Variants in LTBP1 observed in about 807,000 individuals in gnomAD.
LTBP1 encodes the protein latent transforming growth factor beta binding protein 1.
LTBP1 carries 129 observed loss-of-function variants against 207.6 expected under a neutral mutation model. The observed-to-expected ratio is 0.62, with a 90% CI of 0.54 to 0.72. LTBP1 has a LOEUF of 0.72. LTBP1 is among the 30% of genes least tolerant of loss of function. LTBP1 has a pLI of 0.00. For synonymous variants in LTBP1, 963 were observed against 833.7 expected, an observed-to-expected ratio of 1.16 and a Z score of -2.67; for missense variants, 2,281 against 2,217.2, an observed-to-expected ratio of 1.03 and a Z score of -0.58.
intron 18 of LTBP1, among the ~76,000 whole-genome samples, chr2:33,279,572 A>G (rs938423253): frequency 3.3e-5 from 5 of 152,174 alleles, no homozygotes; most frequent in East Asian, 1.9e-4. Context: ...AATTATTCCA[A>G]CCTAGGATAT....
chr2:33,200,583 A>G lies in LTBP1; in HGVS notation c.1701+11732A>G, dbSNP rs184256214. Among the ~76,000 whole-genome samples, 337 of 151,776 alleles carry G rather than the reference A, an allele frequency of 2.2e-3. 3 individuals are homozygous for G. Among genetic ancestry groups the G allele is most frequent in the Middle Eastern group, 6.8e-3 (2 of 294 alleles). On this transcript the variant is annotated intron_variant, in intron 7 of 33. Transcript: ENST00000404816. ...AGGCTTGGGCAAGGACTTCCTGTCT[A>G]AAACACCAAAAGCAATGGCAACAAA...
intron 3 of LTBP1, among the ~76,000 whole-genome samples, chr2:33,102,614 C>A (rs1217346714): frequency 6.6e-6 from 1 of 151,910 alleles, no homozygotes; most frequent in Non-Finnish European, 1.5e-5. Context: ...TTTTATTGGT[C>A]TTTCTCTTAT....
intron 5 of LTBP1, among the ~76,000 whole-genome samples, chr2:33,182,697 TATACACACACACAC>T (rs1246737982): frequency 2.3e-5 from 2 of 87,846 alleles, no homozygotes; most frequent in Non-Finnish European, 4.9e-5. Context: ...GATATATATA[TATACACACACACAC>T]ACACACACAC....
intron 5 of LTBP1, among the ~76,000 whole-genome samples, chr2:33,141,281 C>A (rs894608516): frequency 6.6e-6 from 1 of 152,108 alleles, no homozygotes; most frequent in African/African-American, 2.4e-5. Flanking sequence ...TGCCAGGGGT[C>A]ACCCGGGTGG....
intron 7 of LTBP1, among the ~76,000 whole-genome samples, chr2:33,207,502 C>G (rs1167830055): frequency 6.6e-6 from 1 of 151,154 alleles, no homozygotes; most frequent in Non-Finnish European, 1.5e-5. Context: ...GCTGAGTGGA[C>G]TTAAAAAAAA....
At chr2:33,249,210 A>G (rs2092607683) in intron 10 of LTBP1, among the ~76,000 whole-genome samples, 1 of 152,024 alleles carries the variant, frequency 6.6e-6, no homozygotes, top group African/African-American at 2.4e-5. Flanking sequence ...TATCTGCTTA[A>G]TATTTGTCAT....
chr2:33,343,000 G>T, intron 25 of LTBP1, 37 bp downstream of exon 25: 1 of 1,590,896 alleles, frequency 6.3e-7, no homozygotes, highest in African/African-American at 1.3e-5. Context: ...TGTTTCACAT[G>T]TCCCTAGGGA....
intron 2 of LTBP1, among the ~76,000 whole-genome samples, chr2:32,956,891 A>T (rs184203207): frequency 5.9e-5 from 9 of 152,350 alleles, no homozygotes; most frequent in African/African-American, 2.2e-4. Context: ...AAATGACGTT[A>T]ATCTCCACGT....
intron 2 of LTBP1, among the ~76,000 whole-genome samples, chr2:32,979,223 C>A (rs1682363308): frequency 6.7e-6 from 1 of 149,874 alleles, no homozygotes; most frequent in South Asian, 2.1e-4. Flanking sequence ...TTTATTATTT[C>A]TTTTGTTCTA....
intron 15 of LTBP1, 85 bp from the exon 16 acceptor site, chr2:33,273,571 G>A (rs181794544): frequency 5.5e-6 from 6 of 1,100,506 alleles, no homozygotes; most frequent in Non-Finnish European, 6.3e-6. Context: ...AGTTGGTCAG[G>A]AAACTCAAAG....
At chr2:33,101,310 C>G (rs111512009) in intron 3 of LTBP1, among the ~76,000 whole-genome samples, 156 of 152,174 alleles carry the variant, frequency 1.0e-3, no homozygotes, top group African/African-American at 3.7e-3. Context: ...TTGCTTTTTT[C>G]TTAAGTATAC....
intron 2 of LTBP1, among the ~76,000 whole-genome samples, chr2:32,970,026 G>A (rs1473497989): frequency 6.6e-6 from 1 of 152,066 alleles, no homozygotes; most frequent in Non-Finnish European, 1.5e-5. Flanking sequence ...GATTAATGAT[G>A]GTGAGCATTT....
chr2:32,968,569 C>T (rs1385794865), intron 2 of LTBP1, among the ~76,000 whole-genome samples: 1 of 152,152 alleles, frequency 6.6e-6, no homozygotes, highest in East Asian at 1.9e-4. Flanking sequence ...TTTTGATCCA[C>T]TCTGACAGTC....
rs185962718 is a variant in LTBP1, at chr2:33,173,125, G to A, written c.1202-13731G>A. Among the ~76,000 whole-genome samples, 203 of 152,238 alleles carry A rather than the reference G, an allele frequency of 1.3e-3. 4 individuals are homozygous for A. In the East Asian group the frequency reaches 0.033, roughly 25 times the overall value. ...AAAGCAAGAGCAAACACATTCAAAAGCTAGCAGAAGGCAAGAAATAACTAA... is the reference window on the plus strand; with the variant it reads ...AAAGCAAGAGCAAACACATTCAAAAACTAGCAGAAGGCAAGAAATAACTAA... On this transcript the variant is annotated intron_variant, in intron 5 of 33. Transcript: ENST00000404816.
chr2:33,146,586 G>A (rs1169393867), intron 5 of LTBP1, among the ~76,000 whole-genome samples: 1 of 152,156 alleles, frequency 6.6e-6, no homozygotes, highest in Non-Finnish European at 1.5e-5. Context: ...AACTACCTGA[G>A]ACTGGGTAGG....
At chr2:32,973,534 A>G (rs1572891250) in intron 2 of LTBP1, among the ~76,000 whole-genome samples, 1 of 152,144 alleles carries the variant, frequency 6.6e-6, no homozygotes, top group South Asian at 2.1e-4. Flanking sequence ...TCAAAAAAGC[A>G]CATCATGGAG....
chr2:33,276,787 G>A (rs1415485161), intron 18 of LTBP1, among the ~76,000 whole-genome samples: 1 of 152,252 alleles, frequency 6.6e-6, no homozygotes, highest in Non-Finnish European at 1.5e-5. Flanking sequence ...GGAGGCAGAG[G>A]TTGCAGTGAG....
intron 3 of LTBP1, among the ~76,000 whole-genome samples, chr2:33,059,916 C>T (rs1384583779): frequency 6.6e-6 from 1 of 152,160 alleles, no homozygotes; most frequent in Non-Finnish European, 1.5e-5. Flanking sequence ...AATAGGAAGA[C>T]AAGCTATTTC....
intron 20 of LTBP1, among the ~76,000 whole-genome samples, chr2:33,295,247 T>A (rs145987230): frequency 2.0e-5 from 3 of 152,098 alleles, no homozygotes. Flanking sequence ...GTAATACATA[T>A]ATAAACGTAT....
Sources: gnomAD v4.1 joint callset for allele counts (sites outside exome capture counted in the v4.1 genomes callset) on GRCh38, gnomAD v4.1.1 for gene constraint, MANE v1.5 for transcripts, NCBI Gene and HGNC (gene_info 2026-07-23, HGNC 2026-07-21) for gene names.